CD300LD: variants seen among roughly 807,000 people sequenced by gnomAD.
CD300LD encodes the protein CD300 molecule like family member d.
A neutral mutation model predicts 20.3 loss-of-function variants in CD300LD; 18 were observed. The observed-to-expected ratio is 0.89, with a 90% CI of 0.61 to 1.32. The LOEUF (loss-of-function observed/expected upper bound fraction) is 1.32. CD300LD is among the 40% of genes most tolerant of loss of function. The pLI, the probability that CD300LD is intolerant of heterozygous loss-of-function variation, is 0.00. For synonymous variants in CD300LD, 104 were observed against 90.1 expected (o/e 1.15, Z -0.87); for missense variants, 195 against 226.6 (o/e 0.86, Z 0.90).
chr17:74,592,196 G>C lies in CD300LD; in HGVS notation c.7C>G (p.Leu3Val), dbSNP rs1339184397. ...ATGAGAAGCAGCAGAGATGGGGACAGCCACATGGTCCTGTCTCCTCTCCTC... is the reference window on the plus strand; with the variant it reads ...ATGAGAAGCAGCAGAGATGGGGACACCCACATGGTCCTGTCTCCTCTCCTC... Reference protein sequence around the residue: MWLSPSLLLLILP... With the variant: MWVSPSLLLLILP... The change falls in exon 1 of 4, where the codon CTG becomes GTG. Residue 3 changes from leucine to valine, a missense_variant. Transcript: ENST00000375352. 6.2e-7 allele frequency: 1 copy of C among 1,614,068 alleles called. No individual in the cohort carries two copies. The highest frequency in any genetic ancestry group is 1.3e-5 in the African/African-American group (1 of 74,932).
chr17:74,581,071 C>T (rs1469243107), intron 3 of CD300LD, among the ~76,000 whole-genome samples: 1 of 151,916 alleles, frequency 6.6e-6, no homozygotes, highest in Admixed American at 6.6e-5. Flanking sequence ...AGCATCTTCA[C>T]TCTTGGGGCT....
chr17:74,583,464 C>G (rs543803234), intron 2 of CD300LD, among the ~76,000 whole-genome samples: 1 of 152,216 alleles, frequency 6.6e-6, no homozygotes, highest in Non-Finnish European at 1.5e-5. Context: ...CCTGCCAACA[C>G]CTTGATCTCG....
chr17:74,578,651 G>A (rs1468980295), downstream of CD300LD, among the ~76,000 whole-genome samples: 1 of 152,196 alleles, frequency 6.6e-6, no homozygotes, highest in Non-Finnish European at 1.5e-5. Flanking sequence ...GATTACAGGA[G>A]TGAGCCACTG....
At chr17:74,586,507 CT>C (rs1046804773) in intron 2 of CD300LD, among the ~76,000 whole-genome samples, 1 of 152,112 alleles carries the variant, frequency 6.6e-6, no homozygotes, top group African/African-American at 2.4e-5. Flanking sequence ...TGGCACCCCC[CT>C]GTCGGGAAAC....
chr17:74,582,986 T>C lies in CD300LD; in HGVS notation c.380-675A>G, dbSNP rs144845488. On this transcript the variant is annotated intron_variant, in intron 2 of 3. Transcript: ENST00000375352. ...ACAGCATCATATTTGTCTTTTTATATCATTTTTCTGGGATTAAATCAAGGT... is the reference window on the plus strand; with the variant it reads ...ACAGCATCATATTTGTCTTTTTATACCATTTTTCTGGGATTAAATCAAGGT... Among the ~76,000 whole-genome samples, 1,173 of 152,332 alleles carry C rather than the reference T, an allele frequency of 7.7e-3. 14 individuals are homozygous for C. The highest frequency in any genetic ancestry group is 0.027 in the African/African-American group (1,115 of 41,558).
chr17:74,583,545 T>G (rs1048437360), intron 2 of CD300LD, among the ~76,000 whole-genome samples: 35 of 152,324 alleles, frequency 2.3e-4, no homozygotes, highest in African/African-American at 8.4e-4. Context: ...GGTATTTTGT[T>G]GTGACAGCCT....
chr17:74,583,360 C>T (rs549681685), intron 2 of CD300LD, among the ~76,000 whole-genome samples: 1 of 152,230 alleles, frequency 6.6e-6, no homozygotes, highest in East Asian at 1.9e-4. Flanking sequence ...AGGGAGACAC[C>T]AAGGCATGCG....
chr17:74,591,123 T>C (rs2030301491), intron 1 of CD300LD, among the ~76,000 whole-genome samples: 1 of 151,450 alleles, frequency 6.6e-6, no homozygotes, highest in Non-Finnish European at 1.5e-5. Context: ...TTACAGAATA[T>C]AAATTTGAAG....
At chr17:74,578,715 G>A (rs1411810817), downstream of CD300LD, among the ~76,000 whole-genome samples, 1 of 152,100 alleles carries the variant, frequency 6.6e-6, no homozygotes, top group African/African-American at 2.4e-5. Context: ...GTCTCACCTG[G>A]GTACAGAGAT....
intron 2 of CD300LD, among the ~76,000 whole-genome samples, chr17:74,585,506 C>T (rs550754003): frequency 2.4e-4 from 36 of 152,268 alleles, no homozygotes; most frequent in African/African-American, 7.9e-4. Flanking sequence ...GAAATAGAGA[C>T]CCCAATACAA....
intron 1 of CD300LD, among the ~76,000 whole-genome samples, chr17:74,589,797 G>C (rs977971102): frequency 4.5e-4 from 68 of 152,372 alleles, no homozygotes; most frequent in Middle Eastern, 3.4e-3. Context: ...GCTGTGATTA[G>C]TGCAGCATAA....
At chr17:74,587,109 A>G (rs192146400) in intron 2 of CD300LD, among the ~76,000 whole-genome samples, 1 of 151,974 alleles carries the variant, frequency 6.6e-6, no homozygotes, top group East Asian at 1.9e-4. Context: ...AGATCGTGCC[A>G]TTGCACTCCA....
At chr17:74,587,406 T>A (rs1356597940) in intron 2 of CD300LD, among the ~76,000 whole-genome samples, 1 of 152,236 alleles carries the variant, frequency 6.6e-6, no homozygotes, top group African/African-American at 2.4e-5. Flanking sequence ...TTTTAGTAGC[T>A]ATAAAATCTG....
At position 74,579,993 on chromosome 17, in the gene CD300LD, C is replaced by A. The variant is rs1303692735; in HGVS notation, c.*9G>T. On this transcript the variant is annotated 3_prime_UTR_variant, in exon 4 of 4. Coordinates refer to ENST00000375352, the MANE Select transcript of CD300LD (RefSeq NM_001115152.2). Reference sequence around the variant, plus strand: ...TGGGACTCTCATCATCGGGCTGACTCCTCCTCCTTCAAGACCTTCTTTGTG... The same window carrying A: ...TGGGACTCTCATCATCGGGCTGACTACTCCTCCTTCAAGACCTTCTTTGTG... 1 of 1,588,586 alleles carries A rather than the reference C, an allele frequency of 6.3e-7. No individual in the cohort carries two copies. Among genetic ancestry groups the A allele is most frequent in the South Asian group, 1.1e-5 (1 of 89,426 alleles).
rs149342632 is a variant in CD300LD at position 74,579,802 on chromosome 17, T to C, written c.*200A>G. 223 of 361,832 alleles carry C rather than the reference T, an allele frequency of 6.2e-4. 3 individuals are homozygous for C. In the East Asian group the frequency reaches 7.7e-3, roughly 13 times the overall value. The allele number at this position is 361,832 out of a possible 1,614,324, so 22.4% of individuals were successfully genotyped here. On this transcript the variant is annotated 3_prime_UTR_variant, in exon 4 of 4. Coordinates refer to ENST00000375352, the MANE Select transcript of CD300LD (RefSeq NM_001115152.2). ...CTGGAGGTTGAGGCAGGAGGATCGC[T>C]TGAGCCTGGGAGGGGAAAGTTGCAG...
chr17:74,588,283 G>C (rs1183152329), intron 2 of CD300LD, among the ~76,000 whole-genome samples: 1 of 152,136 alleles, frequency 6.6e-6, no homozygotes, highest in Non-Finnish European at 1.5e-5. Context: ...CTGCCCCCAT[G>C]ACCCAGTCAC....
Sources: gnomAD v4.1 joint callset for allele counts (sites outside exome capture counted in the v4.1 genomes callset) on GRCh38, gnomAD v4.1.1 for gene constraint, MANE v1.5 for transcripts, NCBI Gene and HGNC (gene_info 2026-07-23, HGNC 2026-07-21) for gene names.